The following FKBP6 variants were observed in gnomAD, a reference collection of about 807,000 sequenced individuals.
The protein encoded by FKBP6 is inactive peptidyl-prolyl cis-trans isomerase FKBP6.
FKBP6 carries 29 observed loss-of-function variants against 41.7 expected under a neutral mutation model. That is an observed-to-expected ratio of 0.70 (90% CI 0.52 to 0.95). The LOEUF is 0.95. FKBP6 is among the 40% of genes least tolerant of loss of function. The pLI is 0.00. For synonymous variants in FKBP6, 130 were observed against 165.1 expected, an observed-to-expected ratio of 0.79 and a Z score of 1.63; for missense variants, 338 against 408.7, an observed-to-expected ratio of 0.83 and a Z score of 1.49.
chr7:73,333,468 G>A (rs1467987469), intron 5 of FKBP6, among the ~76,000 whole-genome samples: 1 of 152,180 alleles, frequency 6.6e-6, no homozygotes, highest in African/African-American at 2.4e-5. Flanking sequence ...GGGTGTCCCT[G>A]TAACAAGGGT....
chr7:73,343,989 T>G (rs565923852), intron 8 of FKBP6, among the ~76,000 whole-genome samples: 1 of 152,346 alleles, frequency 6.6e-6, no homozygotes, highest in East Asian at 1.9e-4. Flanking sequence ...CACTTTCAGA[T>G]GCGCCCACCA....
intron 8 of FKBP6, among the ~76,000 whole-genome samples, chr7:73,349,175 TGAGGCA>T (rs1436951162): frequency 2.1e-5 from 3 of 144,536 alleles, no homozygotes; most frequent in African/African-American, 7.7e-5. Context: ...TTTGGGAGGC[TGAGGCA>T]GGTAGATCAC....
chr7:73,338,213 A>G (rs1334901872), intron 5 of FKBP6, among the ~76,000 whole-genome samples: 1 of 152,040 alleles, frequency 6.6e-6, no homozygotes, highest in Non-Finnish European at 1.5e-5. Context: ...TTTAGTAGAG[A>G]CAGGGTGTCA....
chr7:73,350,330 G>A (rs1554550934), intron 8 of FKBP6, among the ~76,000 whole-genome samples: 1 of 152,168 alleles, frequency 6.6e-6, no homozygotes, highest in African/African-American at 2.4e-5. Flanking sequence ...TCAGATTGGG[G>A]AAGGAGTAAA....
chr7:73,356,972 G>C (rs1411913329), intron 8 of FKBP6, among the ~76,000 whole-genome samples: 1 of 152,116 alleles, frequency 6.6e-6, no homozygotes, highest in Non-Finnish European at 1.5e-5. Flanking sequence ...GTAGAAACGA[G>C]GTTTCACCAT....
chr7:73,352,070 GTCC>G lies in FKBP6; in HGVS notation c.*3-6106_*3-6104del, dbSNP rs543034655. ...CACTGCAGCCTCCTGGGCTCAGGCA[GTCC>G]TCCTGCCTCAGCTTCTTGAGTAGCT... On this transcript the variant is annotated intron_variant, in intron 8 of 8. Coordinates refer to ENST00000252037, the MANE Select transcript of FKBP6 (RefSeq NM_003602.5). Among the ~76,000 whole-genome samples, 925 of 152,274 alleles carry G rather than the reference GTCC, an allele frequency of 6.1e-3. 6 individuals carry two copies. The highest frequency in any genetic ancestry group is 7.8e-3 in the Non-Finnish European group (531 of 68,020).
At chr7:73,342,954 C>T in intron 8 of FKBP6, 55 bp downstream of exon 8, 1 of 1,158,008 alleles carries the variant, frequency 8.6e-7, no homozygotes. Flanking sequence ...GCGTGCTGCT[C>T]TCCTCCACCC....
intron 8 of FKBP6, among the ~76,000 whole-genome samples, chr7:73,353,097 T>C (rs1554551356): frequency 6.6e-6 from 1 of 151,990 alleles, no homozygotes; most frequent in Non-Finnish European, 1.5e-5. Flanking sequence ...CCTTTCTGTC[T>C]CTCCCTCTCT....
intron 5 of FKBP6, among the ~76,000 whole-genome samples, chr7:73,337,308 T>C (rs1411518995): frequency 1.4e-5 from 2 of 145,100 alleles, no homozygotes; most frequent in Non-Finnish European, 3.0e-5. Context: ...TCTTCCATGT[T>C]CTTTTTTTTT....
At chr7:73,345,694 GT>G (rs1554550187) in intron 8 of FKBP6, among the ~76,000 whole-genome samples, 1 of 152,132 alleles carries the variant, frequency 6.6e-6, no homozygotes, top group African/African-American at 2.4e-5. Flanking sequence ...TTGTTCTGTG[GT>G]TTCCAAAGGT....
chr7:73,334,165 G>C (rs1804933617), intron 5 of FKBP6, among the ~76,000 whole-genome samples: 1 of 152,078 alleles, frequency 6.6e-6, no homozygotes, highest in Non-Finnish European at 1.5e-5. Flanking sequence ...CTTTCTACGT[G>C]ACCTGTTTTT....
chr7:73,337,508 G>A (rs1805043272), intron 5 of FKBP6, among the ~76,000 whole-genome samples: 1 of 151,734 alleles, frequency 6.6e-6, no homozygotes, highest in Non-Finnish European at 1.5e-5. Context: ...TAGAGGTGGG[G>A]TTTCCATGTT....
chr7:73,350,720 G>A (rs1185120971), intron 8 of FKBP6, among the ~76,000 whole-genome samples: 2 of 152,150 alleles, frequency 1.3e-5, no homozygotes, highest in African/African-American at 4.8e-5. Context: ...CTGGTTGGTC[G>A]AGATTCTGGG....
chr7:73,350,527 G>A (rs1443409827), intron 8 of FKBP6, among the ~76,000 whole-genome samples: 2 of 152,072 alleles, frequency 1.3e-5, no homozygotes, highest in Non-Finnish European at 2.9e-5. Context: ...CAGATGTTGA[G>A]GAAATTCCCC....
At chr7:73,339,740 T>C (rs1255174735) in intron 5 of FKBP6, among the ~76,000 whole-genome samples, 1 of 151,522 alleles carries the variant, frequency 6.6e-6, no homozygotes, top group Non-Finnish European at 1.5e-5. Context: ...CAGCCTCCAA[T>C]GTAGCTGGAA....
chr7:73,345,291 T>A (rs938574469), intron 8 of FKBP6, among the ~76,000 whole-genome samples: 2 of 141,134 alleles, frequency 1.4e-5, no homozygotes, highest in East Asian at 4.1e-4. Flanking sequence ...TGAGGAGGAG[T>A]TTGGCAGTCC....
chr7:73,333,137 G>C (rs1225773392), intron 5 of FKBP6, among the ~76,000 whole-genome samples: 2 of 151,956 alleles, frequency 1.3e-5, no homozygotes, highest in African/African-American at 4.8e-5. Context: ...CTGGCATGGT[G>C]GTGGGTGCCT....
At chr7:73,353,220 T>C (rs534630415) in intron 8 of FKBP6, among the ~76,000 whole-genome samples, 39 of 152,270 alleles carry the variant, frequency 2.6e-4, no homozygotes, top group Non-Finnish European at 4.1e-4. Flanking sequence ...TCTGATTACA[T>C]TGGGCTGACC....
rs2115809605 is a variant in FKBP6 at position 73,328,605 on chromosome 7, C to T, written c.88C>T (p.Leu30=). The T allele has an allele frequency of 6.2e-7, 1 of 1,609,122 alleles. No individual in the cohort carries two copies. The highest frequency in any genetic ancestry group is 2.3e-4 in the Middle Eastern group (1 of 4,424). Residue 30 remains leucine (L), a synonymous_variant, in exon 2 of 9, where the codon CTG becomes TTG. Transcript: ENST00000252037. The part of the protein sequence containing the change: ...SLYERLSQRM[L]DISGDRGVLK... Reference sequence around the variant, plus strand: ...GTACGAGCGGTTAAGTCAGAGGATGCTGGACATCTCGGGGGACCGGGGCGT... The same window carrying T: ...GTACGAGCGGTTAAGTCAGAGGATGTTGGACATCTCGGGGGACCGGGGCGT...
Sources: allele counts gnomAD v4.1 joint callset (sites outside exome capture counted in the v4.1 genomes callset), GRCh38; gene constraint gnomAD v4.1.1; transcripts MANE v1.5; gene names NCBI Gene and HGNC (gene_info 2026-07-23, HGNC 2026-07-21).